PCNX1: variants seen among roughly 807,000 people sequenced by gnomAD.
PCNX1 encodes pecanex-like protein 1.
PCNX1 carries 78 observed loss-of-function variants against 242.2 expected under a neutral mutation model. The ratio of observed to expected loss-of-function variants is 0.32; its 90% CI spans 0.27 to 0.39. The LOEUF (loss-of-function observed/expected upper bound fraction) is 0.39. Ranked by LOEUF, PCNX1 falls within the 10% of genes least tolerant of loss-of-function variation. The probability of loss-of-function intolerance (pLI) is 1.00; values close to 1 mark genes in which losing one functional copy is unlikely to be tolerated. For synonymous variants in PCNX1, 1,024 were observed against 1,032.9 expected (o/e 0.99, Z 0.17); for missense variants, 2,581 against 2,856.5 (o/e 0.90, Z 2.20).
At chr14:71,108,098 C>T (rs1251809572) in intron 33 of PCNX1, among the ~76,000 whole-genome samples, 1 of 152,186 alleles carries the variant, frequency 6.6e-6, no homozygotes, top group Non-Finnish European at 1.5e-5. Flanking sequence ...ACCAACACCT[C>T]CTCTTCCCCA....
At position 71,110,026 on chromosome 14, in the gene PCNX1, T is replaced by C. The variant is rs1160649393; in HGVS notation, c.*91T>C. On this transcript the variant is annotated 3_prime_UTR_variant, in exon 36 of 36. Transcript: ENST00000304743. ...AACAAGCAGAAGATGCCTGCAGGTA[T>C]CACTTTGATCCTATGTGGGAGCGAC... The C allele has an allele frequency of 8.8e-7, 1 of 1,138,580 alleles. No homozygotes were observed. 70.5% of individuals were successfully genotyped at this position (1,138,580 alleles called of 1,614,324 possible).
intron 28 of PCNX1, among the ~76,000 whole-genome samples, chr14:71,077,794 C>T (rs1021954510): frequency 6.6e-5 from 10 of 152,142 alleles, no homozygotes; most frequent in Admixed American, 2.6e-4. Context: ...TAAAATACTT[C>T]GCGTACTGTT....
intron 1 of PCNX1, among the ~76,000 whole-genome samples, chr14:70,910,606 A>G (rs760581788): frequency 2.2e-4 from 33 of 152,174 alleles, no homozygotes; most frequent in Non-Finnish European, 3.1e-4. Flanking sequence ...CTGATAGCCT[A>G]TGTGAAATAG....
intron 2 of PCNX1, among the ~76,000 whole-genome samples, chr14:70,949,602 T>G (rs2057697042): frequency 6.6e-6 from 1 of 152,204 alleles, no homozygotes; most frequent in African/African-American, 2.4e-5. Flanking sequence ...GCTGTTTCTT[T>G]CCTAGATCTT....
At chr14:71,023,111 T>G (rs1405773740) in intron 12 of PCNX1, 89 bp from the exon 13 acceptor site, 2 of 954,190 alleles carry the variant, frequency 2.1e-6, no homozygotes, top group African/African-American at 3.2e-5. Context: ...AATATTTACT[T>G]AAAATCATTC....
In PCNX1 at chr14:71,112,466, A is replaced by G. The variant is rs185716889; in HGVS notation, c.*2531A>G. The G allele has an allele frequency of 4.7e-4, 71 of 152,232 alleles. No homozygotes were observed. Among genetic ancestry groups the G allele is most frequent in the African/African-American group, 1.6e-3 (66 of 41,582 alleles). The allele number at this position is 152,232 out of a possible 1,614,324, so 9.4% of individuals were successfully genotyped here. On this transcript the variant is annotated 3_prime_UTR_variant, in exon 36 of 36. Transcript: ENST00000304743. ...TTTTCTTAAGAGTCTAAAACTGACA[A>G]TCTTTTAAAAATCATAATACTTTTC...
chr14:70,907,645 C>G lies in PCNX1; in HGVS notation c.-206C>G. ...TCCTCCGCCCCGCCGCTCGCCGCCT[C>G]CTCCTCTCGGGTCTCCTCCTCCTCG... is the stretch of plus-strand genomic sequence containing the variant. On this transcript the variant is annotated 5_prime_UTR_variant, in exon 1 of 36. Transcript: ENST00000304743. 2.3e-6 allele frequency: 1 copy of G among 428,514 alleles called. No individual in the cohort carries two copies. The highest frequency in any genetic ancestry group is 3.5e-6 in the Non-Finnish European group (1 of 286,886). 26.5% of individuals were successfully genotyped at this position (428,514 alleles called of 1,614,324 possible). A position where few individuals can be genotyped will look rare whatever the true frequency, so the allele number is the denominator to read the frequency against.
At chr14:71,070,290 T>C (rs945582871) in intron 26 of PCNX1, among the ~76,000 whole-genome samples, 1 of 152,226 alleles carries the variant, frequency 6.6e-6, no homozygotes, top group African/African-American at 2.4e-5. Context: ...AATCAACTTA[T>C]TTCAAATTCC....
rs1297830783 is a variant in PCNX1, at chr14:71,038,667, T to C, written c.3867+2510T>C. Among the ~76,000 whole-genome samples, 544 of 151,546 alleles carry C rather than the reference T, an allele frequency of 3.6e-3. 1 individual carries two copies. The highest frequency in any genetic ancestry group is 0.013 in the African/African-American group (525 of 41,454). ...ACCATTGTGGAAGTCAGTGTGGCGATTCCTCAGGGATCTAGAACTAGAAAT... is the reference window on the plus strand; with the variant it reads ...ACCATTGTGGAAGTCAGTGTGGCGACTCCTCAGGGATCTAGAACTAGAAAT... On this transcript the variant is annotated intron_variant, in intron 19 of 35. Transcript: ENST00000304743.
At chr14:70,910,039 C>G (rs1594861598) in intron 1 of PCNX1, among the ~76,000 whole-genome samples, 11 of 81,932 alleles carry the variant, frequency 1.3e-4, no homozygotes, top group South Asian at 1.3e-3. Context: ...CTCCCTCCTC[C>G]TCCTCCTCCT....
Position 71,057,569 on chromosome 14 carries a change from A to G in PCNX1, c.4697A>G (p.His1566Arg), listed in dbSNP as rs1371026476. The G allele has an allele frequency of 6.2e-7, 1 of 1,613,876 alleles. No individual in the cohort carries two copies. The highest frequency in any genetic ancestry group is 2.2e-5 in the East Asian group (1 of 44,878). The change falls in exon 26 of 36, where the codon CAC (histidine) becomes CGC (arginine). Residue 1566 changes from histidine to arginine, a missense_variant. By Grantham distance (29) the His-to-Arg change is conservative (BLOSUM62 0). This residue lies in a region of PCNX1 where 99 missense variants were observed against 147.3 expected (regional missense o/e 0.67). Transcript: ENST00000304743. ...FYEHLTRSLQ[H>R]SLCGDLLLGR... ...GAGCATTTAACTAGATCCCTACAGC[A>G]CAGCCTCTGTGGTGATTTGCTACTA...
chr14:71,007,061 A>C (rs1397945151), intron 8 of PCNX1, among the ~76,000 whole-genome samples: 1 of 152,166 alleles, frequency 6.6e-6, no homozygotes. Flanking sequence ...CCTCTCTTTT[A>C]GACATATTTA....
At chr14:71,109,363 C>A in intron 34 of PCNX1, 89 bp from the exon 35 acceptor site, 2 of 1,166,218 alleles carry the variant, frequency 1.7e-6, no homozygotes, top group Non-Finnish European at 2.4e-6. Flanking sequence ...AAAGTAATTC[C>A]TCTCTGTGAA....
At chr14:70,936,150 C>CT (rs1332905730) in intron 1 of PCNX1, among the ~76,000 whole-genome samples, 1 of 151,862 alleles carries the variant, frequency 6.6e-6, no homozygotes, top group Non-Finnish European at 1.5e-5. Flanking sequence ...TTTTATTATA[C>CT]TTTAAGTTCT....
intron 32 of PCNX1, among the ~76,000 whole-genome samples, chr14:71,104,012 CAT>C (rs773249632): frequency 1.3e-5 from 2 of 152,130 alleles, no homozygotes; most frequent in Non-Finnish European, 2.9e-5. Flanking sequence ...AAGAGAAAAA[CAT>C]AACATGCAAG....
intron 22 of PCNX1, among the ~76,000 whole-genome samples, chr14:71,049,950 C>T (rs1416233830): frequency 6.6e-6 from 1 of 152,166 alleles, no homozygotes; most frequent in Non-Finnish European, 1.5e-5. Context: ...TTTCCACTGA[C>T]AACAATTAAG....
At chr14:70,925,300 C>T (rs570049990) in intron 1 of PCNX1, among the ~76,000 whole-genome samples, 12 of 152,244 alleles carry the variant, frequency 7.9e-5, no homozygotes, top group African/African-American at 2.6e-4. Context: ...GCGTTTTTAC[C>T]TTATGTAATT....
chr14:70,926,568 G>A (rs576989966), intron 1 of PCNX1, among the ~76,000 whole-genome samples: 2 of 152,222 alleles, frequency 1.3e-5, no homozygotes, highest in South Asian at 4.2e-4. Flanking sequence ...GGCCTCTAGT[G>A]GGTAGAAACC....
chr14:70,983,374 A>T (rs2058900291), intron 6 of PCNX1, among the ~76,000 whole-genome samples: 1 of 151,952 alleles, frequency 6.6e-6, no homozygotes, highest in Non-Finnish European at 1.5e-5. Context: ...GTACAATCAC[A>T]GCTCACTGCA....
Sources: allele counts gnomAD v4.1 joint callset (sites outside exome capture counted in the v4.1 genomes callset), GRCh38; gene constraint gnomAD v4.1.1; regional missense constraint gnomAD v4.1.1; transcripts MANE v1.5; gene names NCBI Gene and HGNC (gene_info 2026-07-23, HGNC 2026-07-21).